The following SLC4A10 variants were observed in gnomAD, a reference collection of about 807,000 sequenced individuals.
SLC4A10 encodes the protein sodium-driven chloride bicarbonate exchanger.
SLC4A10 carries 42 observed loss-of-function variants against 137.7 expected under a neutral mutation model. The ratio of observed to expected loss-of-function variants is 0.30; its 90% CI spans 0.24 to 0.39. SLC4A10 has a LOEUF of 0.39. Ranked by LOEUF, SLC4A10 falls within the 10% of genes least tolerant of loss-of-function variation. The probability of loss-of-function intolerance (pLI) is 1.00; values close to 1 mark genes in which losing one functional copy is unlikely to be tolerated. For synonymous variants in SLC4A10, 474 were observed against 464.1 expected (o/e 1.02, Z -0.27); for missense variants, 925 against 1,355.0 (o/e 0.68, Z 4.98).
chr2:161,970,426 T>A (rs1212284737), intron 23 of SLC4A10, among the ~76,000 whole-genome samples: 1 of 152,236 alleles, frequency 6.6e-6, no homozygotes, highest in African/African-American at 2.4e-5. Flanking sequence ...TGCAGCATTG[T>A]CTATTCTATT....
intron 1 of SLC4A10, among the ~76,000 whole-genome samples, chr2:161,753,027 T>C (rs1015559199): frequency 6.6e-5 from 10 of 152,146 alleles, no homozygotes; most frequent in African/African-American, 2.4e-4. Flanking sequence ...TACAATTATA[T>C]TTGTCACTTA....
Position 161,904,672 on chromosome 2 carries a change from G to T in SLC4A10, c.1618-104G>T, listed in dbSNP as rs1683934034. The T allele has an allele frequency of 2.9e-6, 4 of 1,398,452 alleles. No homozygotes were observed. The East Asian group carries it at 9.3e-5, about 33-fold the overall frequency. 86.6% of individuals were successfully genotyped at this position (1,398,452 alleles called of 1,614,324 possible). On this transcript the variant is annotated intron_variant, in intron 13 of 26. Transcript: ENST00000446997. ...TGCCCAGGGTTGCTAGACTTTTCAG[G>T]GTGAAGCACAAAGCACATATCCATG... is the stretch of plus-strand genomic sequence containing the variant.
Position 161,754,156 on chromosome 2 carries a change from C to T in SLC4A10, c.49-16817C>T, listed in dbSNP as rs530107718. ...TGGGCTCAAGTTATCTGTGCCTCGG[C>T]CTCCCAAAGTGCTGGGATTACAGGT... On this transcript the variant is annotated intron_variant, in intron 1 of 26. Transcript: ENST00000446997. 9.2e-5 allele frequency among the ~76,000 whole-genome samples: 14 copies of T among 152,056 alleles called. No homozygotes were observed. The South Asian group carries it at 2.3e-3, about 25-fold the overall frequency.
intron 14 of SLC4A10, among the ~76,000 whole-genome samples, 152 bp from the exon 15 acceptor site, chr2:161,905,490 C>G (rs1034054626): frequency 5.9e-5 from 9 of 152,140 alleles, no homozygotes; most frequent in Non-Finnish European, 8.8e-5. Flanking sequence ...GTTGGGGACC[C>G]CTGCTTTAGA....
intron 4 of SLC4A10, 103 bp from the exon 5 acceptor site, chr2:161,854,867 A>C: frequency 8.5e-7 from 1 of 1,171,072 alleles, no homozygotes; most frequent in South Asian, 2.3e-5. Flanking sequence ...ATGAACCAAG[A>C]CACAATATGA....
At chr2:161,969,277 C>T (rs1173322121) in intron 23 of SLC4A10, among the ~76,000 whole-genome samples, 1 of 152,152 alleles carries the variant, frequency 6.6e-6, no homozygotes, top group Admixed American at 6.5e-5. Flanking sequence ...AATAGCTACA[C>T]AGGCCAGTCC....
At chr2:161,782,615 C>T (rs2053169203) in intron 2 of SLC4A10, among the ~76,000 whole-genome samples, 1 of 150,734 alleles carries the variant, frequency 6.6e-6, no homozygotes, top group Non-Finnish European at 1.5e-5. Context: ...GTTGCATGAA[C>T]AAAGTGAGAA....
chr2:161,740,497 C>T (rs1401624943), intron 1 of SLC4A10, among the ~76,000 whole-genome samples: 1 of 152,148 alleles, frequency 6.6e-6, no homozygotes, highest in Non-Finnish European at 1.5e-5. Flanking sequence ...TTATGTACTT[C>T]ATTCATAGGG....
chr2:161,727,469 G>A (rs945941879), intron 1 of SLC4A10, among the ~76,000 whole-genome samples: 10 of 152,166 alleles, frequency 6.6e-5, no homozygotes, highest in African/African-American at 2.2e-4. Flanking sequence ...AAAGATAGAA[G>A]CCAATACATT....
chr2:161,689,657 A>G (rs1559035934), intron 1 of SLC4A10, among the ~76,000 whole-genome samples: 1 of 152,174 alleles, frequency 6.6e-6, no homozygotes, highest in East Asian at 1.9e-4. Context: ...TACTGTAATT[A>G]ATATTTGGAA....
chr2:161,869,874 T>C (rs1407355319), intron 6 of SLC4A10, among the ~76,000 whole-genome samples: 2 of 151,516 alleles, frequency 1.3e-5, no homozygotes, highest in East Asian at 3.8e-4. Context: ...GTCTATGTCA[T>C]AGGCTAGTAG....
intron 1 of SLC4A10, among the ~76,000 whole-genome samples, chr2:161,643,933 C>T (rs1304682356): frequency 1.3e-5 from 2 of 152,022 alleles, no homozygotes; most frequent in African/African-American, 4.8e-5. Flanking sequence ...GGAGTGATTC[C>T]AAATAAGAGG....
intron 1 of SLC4A10, among the ~76,000 whole-genome samples, chr2:161,649,524 AC>A (rs1230758087): frequency 3.3e-5 from 5 of 152,112 alleles, no homozygotes; most frequent in Non-Finnish European, 7.4e-5. Flanking sequence ...ATTTTTTCTT[AC>A]AGATTCTTAA....
chr2:161,957,347 G>A, intron 20 of SLC4A10, 107 bp downstream of exon 20: 2 of 1,200,282 alleles, frequency 1.7e-6, no homozygotes, highest in Non-Finnish European at 2.3e-6. Flanking sequence ...TGTGGCATGT[G>A]ATGAAAGTGA....
intron 1 of SLC4A10, among the ~76,000 whole-genome samples, chr2:161,689,158 G>T (rs1385105300): frequency 6.6e-6 from 1 of 152,116 alleles, no homozygotes; most frequent in Non-Finnish European, 1.5e-5. Context: ...AAGTAAAATT[G>T]TAAGCTAAGG....
intron 1 of SLC4A10, among the ~76,000 whole-genome samples, chr2:161,756,984 G>C (rs62189048): frequency 0.081 from 12,363 of 152,116 alleles, 647 homozygotes; most frequent in East Asian, 0.14. Context: ...AAATCGCTAA[G>C]CTTTTGAGAA....
At chr2:161,726,857 C>T (rs757799937) in intron 1 of SLC4A10, among the ~76,000 whole-genome samples, 5 of 152,098 alleles carry the variant, frequency 3.3e-5, no homozygotes, top group Non-Finnish European at 7.4e-5. Flanking sequence ...TGCAGTGGGC[C>T]GAGACTGTGC....
chr2:161,672,405 T>G (rs886472811), intron 1 of SLC4A10, among the ~76,000 whole-genome samples: 2 of 152,228 alleles, frequency 1.3e-5, no homozygotes, highest in Admixed American at 1.3e-4. Flanking sequence ...GCCTCCTGAC[T>G]TTTTCAAATT....
Position 161,733,154 on chromosome 2 carries a change from G to A in SLC4A10, c.49-37819G>A, listed in dbSNP as rs192485657. On this transcript the variant is annotated intron_variant, in intron 1 of 26. Transcript: ENST00000446997. ...TTGCATAAGTAATGAGGAGCCGCATGTTAATCCCCAAGACAATGGGGAAAA... is the reference window on the plus strand; with the variant it reads ...TTGCATAAGTAATGAGGAGCCGCATATTAATCCCCAAGACAATGGGGAAAA... Among the ~76,000 whole-genome samples, 82 of 152,332 alleles carry A rather than the reference G, an allele frequency of 5.4e-4. 1 individual carries two copies. The highest frequency in any genetic ancestry group is 1.8e-3 in the African/African-American group (76 of 41,584).
Sources: allele counts gnomAD v4.1 joint callset (sites outside exome capture counted in the v4.1 genomes callset), GRCh38; gene constraint gnomAD v4.1.1; transcripts MANE v1.5; gene names NCBI Gene and HGNC (gene_info 2026-07-23, HGNC 2026-07-21).